The following CACNA1D variants were observed in gnomAD, a reference collection of about 807,000 sequenced individuals.
CACNA1D encodes the protein voltage-dependent L-type calcium channel subunit alpha-1D.
CACNA1D carries 55 observed loss-of-function variants against 257.1 expected under a neutral mutation model. That is an observed-to-expected ratio of 0.21 (90% CI 0.17 to 0.27). The LOEUF (loss-of-function observed/expected upper bound fraction) is 0.27. Ranked by LOEUF, CACNA1D falls within the 10% of genes least tolerant of loss-of-function variation. The pLI is 1.00. For synonymous variants in CACNA1D, 980 were observed against 1,014.9 expected, an observed-to-expected ratio of 0.97 and a Z score of 0.65; for missense variants, 1,876 against 2,784.0, an observed-to-expected ratio of 0.67 and a Z score of 7.34.
At position 53,793,026 on chromosome 3, in the gene CACNA1D, G is replaced by T. The variant is rs992455973; in HGVS notation, c.4923+6074G>T. 6.6e-6 allele frequency among the ~76,000 whole-genome samples: 1 copy of T among 152,232 alleles called. No individual in the cohort carries two copies. The highest frequency in any genetic ancestry group is 1.5e-5 in the Non-Finnish European group (1 of 68,036). ...ACCACATGGTGATGTGGGGGATGGG[G>T]TAGAAAGCCAGGAACACTCCAGTGT... On this transcript the variant is annotated intron_variant, in intron 40 of 47. Coordinates refer to ENST00000350061, the MANE Select transcript of CACNA1D (RefSeq NM_001128840.3). This position sits in a 1 kb window ranked among gnomAD's most constrained non-coding sequence, Gnocchi z 4.1.
At chr3:53,688,721 A>G (rs888702169) in intron 8 of CACNA1D, among the ~76,000 whole-genome samples, 2 of 152,174 alleles carry the variant, frequency 1.3e-5, no homozygotes, top group African/African-American at 2.4e-5. Flanking sequence ...TCTGACTGTC[A>G]TGAGTTTGGT....
chr3:53,696,636 C>T (rs1335733552), intron 8 of CACNA1D, among the ~76,000 whole-genome samples: 7 of 152,146 alleles, frequency 4.6e-5, no homozygotes, highest in Non-Finnish European at 7.3e-5. Flanking sequence ...GAGAATGTGT[C>T]ACCAAAAGCA....
At chr3:53,682,389 A>AAAAAAAC (rs2094440454) in intron 8 of CACNA1D, among the ~76,000 whole-genome samples, 2 of 140,240 alleles carry the variant, frequency 1.4e-5, no homozygotes, top group African/African-American at 5.3e-5. Flanking sequence ...AAAAAAAAAA[A>AAAAAAAC]AAAAAAACAG....
intron 3 of CACNA1D, among the ~76,000 whole-genome samples, chr3:53,635,629 G>A (rs780924502): frequency 2.6e-5 from 4 of 152,150 alleles, no homozygotes; most frequent in African/African-American, 4.8e-5. Context: ...GCTCCTGCAA[G>A]ACAGTGCTGT....
intron 7 of CACNA1D, among the ~76,000 whole-genome samples, chr3:53,669,760 A>C (rs1209017412): frequency 1.3e-5 from 2 of 152,206 alleles, no homozygotes; most frequent in Non-Finnish European, 2.9e-5. Context: ...TCTTTGATAA[A>C]GTGAGTTCCA....
chr3:53,588,866 A>G (rs148837752), intron 3 of CACNA1D, among the ~76,000 whole-genome samples: 1 of 152,330 alleles, frequency 6.6e-6, no homozygotes, highest in African/African-American at 2.4e-5. Context: ...GGAAAAAAAA[A>G]GTAACTGTCT....
intron 7 of CACNA1D, among the ~76,000 whole-genome samples, chr3:53,671,752 T>TAAAAAAAA (rs2094325355): frequency 6.6e-6 from 1 of 152,228 alleles, no homozygotes; most frequent in East Asian, 1.9e-4. Context: ...TAATGTTCAC[T>TAAAAAAAA]TTCCCTATTT....
chr3:53,790,204 G>A (rs2095476627), intron 40 of CACNA1D, among the ~76,000 whole-genome samples: 1 of 152,128 alleles, frequency 6.6e-6, no homozygotes, highest in Non-Finnish European at 1.5e-5. Flanking sequence ...TTTCCACGAG[G>A]GGCAAATAAA....
intron 44 of CACNA1D, among the ~76,000 whole-genome samples, chr3:53,804,178 C>G (rs1359345228): frequency 6.6e-6 from 1 of 152,228 alleles, no homozygotes; most frequent in Non-Finnish European, 1.5e-5. Flanking sequence ...CTTCTCTGAA[C>G]CGCACCTCAC....
At position 53,772,916 on chromosome 3, in the gene CACNA1D, C is replaced by T. The variant is rs371717193; in HGVS notation, c.4110+18C>T. On this transcript the variant is annotated intron_variant, in intron 33 of 47. Transcript: ENST00000350061. ...GCATGCAGGTAAGCTCCAGCCATCTCGCCCTCAGGGGCCCTTTCACTGGGT... is the reference window on the plus strand; with the variant it reads ...GCATGCAGGTAAGCTCCAGCCATCTTGCCCTCAGGGGCCCTTTCACTGGGT... 6.2e-5 allele frequency: 100 copies of T among 1,608,508 alleles called. No individual in the cohort carries two copies. In the South Asian group the frequency reaches 9.1e-4, roughly 15 times the overall value.
At chr3:53,718,662 C>G (rs993799987) in intron 10 of CACNA1D, 3 of 1,500,634 alleles carry the variant, frequency 2.0e-6, no homozygotes, top group Non-Finnish European at 1.8e-6. Flanking sequence ...GTTAACCTGG[C>G]CACCTGCTGT....
intron 3 of CACNA1D, among the ~76,000 whole-genome samples, chr3:53,516,497 T>A (rs1273332625): frequency 1.3e-5 from 2 of 152,172 alleles, no homozygotes; most frequent in Non-Finnish European, 2.9e-5. Context: ...TAGCGCTGTG[T>A]GGAAGCCTGG....
intron 5 of CACNA1D, among the ~76,000 whole-genome samples, chr3:53,660,984 C>G (rs993702692): frequency 6.6e-6 from 1 of 152,212 alleles, no homozygotes; most frequent in Non-Finnish European, 1.5e-5. Context: ...GCTTCTGGCT[C>G]CAGGCCCCCA....
intron 45 of CACNA1D, among the ~76,000 whole-genome samples, chr3:53,806,615 C>G (rs2095567564): frequency 6.6e-6 from 1 of 152,188 alleles, no homozygotes; most frequent in South Asian, 2.1e-4. Flanking sequence ...GAACAGGACT[C>G]TAATCAGTAA....
intron 11 of CACNA1D, 38 bp from the exon 12 acceptor site, chr3:53,722,276 A>G (rs922514289): frequency 3.7e-6 from 6 of 1,611,220 alleles, no homozygotes; most frequent in East Asian, 2.2e-5. Context: ...CAGATGCTGT[A>G]TCTGTCATCT....
intron 15 of CACNA1D, among the ~76,000 whole-genome samples, chr3:53,729,000 G>A (rs2094962324): frequency 6.6e-6 from 1 of 152,162 alleles, no homozygotes; most frequent in African/African-American, 2.4e-5. Flanking sequence ...ACTACCCAAA[G>A]GAGTTGAGTG....
chr3:53,794,596 A>T (rs1221547145), intron 40 of CACNA1D, among the ~76,000 whole-genome samples: 1 of 152,246 alleles, frequency 6.6e-6, no homozygotes, highest in East Asian at 1.9e-4. Context: ...ATCAGCAGTT[A>T]TCAAACTTTT....
chr3:53,657,170 G>A (rs938370861), intron 4 of CACNA1D, among the ~76,000 whole-genome samples: 1 of 152,160 alleles, frequency 6.6e-6, no homozygotes, highest in African/African-American at 2.4e-5. Flanking sequence ...TAAACTCATT[G>A]TGATGTATTT....
rs181492524 is a variant in CACNA1D, at chr3:53,802,256, A to G, written c.5435+83A>G. On this transcript the variant is annotated intron_variant, in intron 43 of 47. Coordinates refer to ENST00000350061, the MANE Select transcript of CACNA1D (RefSeq NM_001128840.3). ...CCTCTCTGAGTGCTGAAGAATGAGA[A>G]ACACTTCTTTGAGCCAGCCTATTAA... 3.6e-3 allele frequency: 3,945 copies of G among 1,088,998 alleles called. 14 individuals carry two copies. The highest frequency in any genetic ancestry group is 7.9e-3 in the Middle Eastern group (40 of 5,070). 67.5% of individuals were successfully genotyped at this position (1,088,998 alleles called of 1,614,324 possible).
Sources: gnomAD v4.1 joint callset for allele counts (sites outside exome capture counted in the v4.1 genomes callset) on GRCh38, gnomAD v4.1.1 for gene constraint, Gnocchi (gnomAD v3.1) non-coding constraint, MANE v1.5 for transcripts, NCBI Gene and HGNC (gene_info 2026-07-23, HGNC 2026-07-21) for gene names.